The following PLB1 variants were observed in gnomAD, a reference collection of about 807,000 sequenced individuals.
PLB1 encodes the protein phospholipase B1.
PLB1 carries 242 observed loss-of-function variants against 227.4 expected under a neutral mutation model. That is an observed-to-expected ratio of 1.06 (90% CI 0.96 to 1.18). The LOEUF (loss-of-function observed/expected upper bound fraction) is 1.18. PLB1 is among the 50% of genes most tolerant of loss of function. The probability of loss-of-function intolerance (pLI) is 0.00; values close to 1 mark genes in which losing one functional copy is unlikely to be tolerated. For synonymous variants in PLB1, 757 were observed against 682.2 expected (o/e 1.11, Z -1.71); for missense variants, 1,858 against 1,816.3 (o/e 1.02, Z -0.42).
chr2:28,625,736 A>G (rs1325454637), intron 50 of PLB1, among the ~76,000 whole-genome samples: 1 of 152,002 alleles, frequency 6.6e-6, no homozygotes, highest in East Asian at 1.9e-4. Flanking sequence ...CTTTGCCTAC[A>G]GCTCCCTGGA....
At chr2:28,553,364 C>A (rs1426536497) in intron 17 of PLB1, among the ~76,000 whole-genome samples, 1 of 152,190 alleles carries the variant, frequency 6.6e-6, no homozygotes, top group Non-Finnish European at 1.5e-5. Context: ...GTCTGAGTTG[C>A]CTGCAGATTC....
Position 28,618,342 on chromosome 2 carries a change from C to G in PLB1, c.3258C>G (p.Val1086=), listed in dbSNP as rs767030164. 6.2e-7 allele frequency: 1 copy of G among 1,614,080 alleles called. No individual in the cohort carries two copies. Residue 1086 remains valine, a splice_region_variant and synonymous_variant, in exon 46 of 58, where the codon GTC becomes GTG. Transcript: ENST00000327757. ...CACCTCTCTGCTTGTCTCCCCTAGT[C>G]CACCAGCTCCGACCAGCAGACATCA... ...WKASNSVPTS[V]HQLRPADIKV...
intron 17 of PLB1, among the ~76,000 whole-genome samples, chr2:28,553,531 C>T (rs4665426): frequency 0.19 from 29,616 of 152,028 alleles, 3,014 homozygotes; most frequent in Middle Eastern, 0.26. Context: ...TTCCCAAAGA[C>T]GGTCTGCCTG....
At chr2:28,518,581 G>C (rs1276727920) in intron 3 of PLB1, 49 bp downstream of exon 3, 1 of 1,437,720 alleles carries the variant, frequency 7.0e-7, no homozygotes, top group Admixed American at 1.7e-5. Context: ...TTTTCTCTCT[G>C]AAGTGGCCAG....
chr2:28,625,283 C>G (rs996705613), intron 50 of PLB1, among the ~76,000 whole-genome samples, 175 bp downstream of exon 50: 1 of 152,204 alleles, frequency 6.6e-6, no homozygotes, highest in Non-Finnish European at 1.5e-5. Context: ...CACTCCTAGA[C>G]GCAGGCTGTG....
At chr2:28,566,989 C>T in intron 20 of PLB1, 150 bp downstream of exon 20, 1 of 885,108 alleles carries the variant, frequency 1.1e-6, no homozygotes, top group South Asian at 1.5e-5. Flanking sequence ...GAGACTGCCG[C>T]CCAGCTCCGC....
At chr2:28,600,939 T>G in intron 36 of PLB1, 79 bp downstream of exon 36, 1 of 1,265,582 alleles carries the variant, frequency 7.9e-7, no homozygotes, top group Non-Finnish European at 1.1e-6. Context: ...TGGCCTGCTC[T>G]GAAAAGCAGT....
chr2:28,640,826 C>A, intron 56 of PLB1, 101 bp from the exon 57 acceptor site: 1 of 1,253,762 alleles, frequency 8.0e-7, no homozygotes. Flanking sequence ...CTATCCCCCA[C>A]CCCGTTCCCG....
chr2:28,519,385 A>T (rs1669218863), intron 3 of PLB1, among the ~76,000 whole-genome samples: 1 of 152,186 alleles, frequency 6.6e-6, no homozygotes, highest in Admixed American at 6.5e-5. Flanking sequence ...TGTGGGACAG[A>T]AGGAAGTGAG....
At chr2:28,623,632 C>G (rs150110584) in intron 49 of PLB1, among the ~76,000 whole-genome samples, 23 of 151,062 alleles carry the variant, frequency 1.5e-4, no homozygotes, top group African/African-American at 5.7e-4. Flanking sequence ...CCTAGCTTAC[C>G]GTGGCCACCC....
At chr2:28,598,379 G>A (rs548995156) in intron 34 of PLB1, among the ~76,000 whole-genome samples, 6 of 152,254 alleles carry the variant, frequency 3.9e-5, no homozygotes, top group Admixed American at 3.3e-4. Flanking sequence ...GACAAATTAG[G>A]TAGTGACCCT....
At position 28,497,971 on chromosome 2, in the gene PLB1, G is replaced by T. The variant is rs144712806; in HGVS notation, c.55+1802G>T. Among the ~76,000 whole-genome samples the T allele has an allele frequency of 1.1e-3, 163 of 151,616 alleles. 1 individual carries two copies. Among genetic ancestry groups the T allele is most frequent in the African/African-American group, 3.8e-3 (158 of 41,466 alleles). ...TAATCTTAAGTGATCTGCCTGCCTC[G>T]GCCTCCCAGAGAGCTGGGATTACAG... On this transcript the variant is annotated intron_variant, in intron 1 of 57. Transcript: ENST00000327757.
chr2:28,625,251 A>G, intron 50 of PLB1, 143 bp downstream of exon 50: 1 of 760,014 alleles, frequency 1.3e-6, no homozygotes, highest in South Asian at 1.9e-5. Context: ...AGTCCTTACC[A>G]AGGAGGCGCC....
In PLB1 at chr2:28,579,663, C is replaced by T. The variant is rs775810425; in HGVS notation, c.1522C>T (p.Leu508=). The T allele has an allele frequency of 6.2e-7, 1 of 1,613,436 alleles. No homozygotes were observed. The highest frequency in any genetic ancestry group is 1.1e-5 in the South Asian group (1 of 91,070). The change falls in exon 23 of 58, where the codon CTG becomes TTG. Residue 508 remains leucine, a synonymous_variant. Transcript: ENST00000327757. The stretch of plus-strand genomic sequence containing the variant: ...TCAGGAAGACTGGAAGATAATAACC[C>T]TGTTTATAGGCGGCAATGACCTCTG... The part of the protein sequence containing the change: ...HFQEDWKIIT[L]FIGGNDLCDF...
intron 41 of PLB1, among the ~76,000 whole-genome samples, chr2:28,605,133 G>A (rs1408111477): frequency 6.6e-6 from 1 of 152,228 alleles, no homozygotes; most frequent in Non-Finnish European, 1.5e-5. Context: ...AACACAGCCA[G>A]CTCCAGATGA....
intron 17 of PLB1, among the ~76,000 whole-genome samples, chr2:28,555,532 C>CT (rs751088411): frequency 6.6e-5 from 10 of 152,112 alleles, no homozygotes; most frequent in Non-Finnish European, 1.3e-4. Context: ...TATTATTTTC[C>CT]TTTGATATTA....
intron 20 of PLB1, 119 bp from the exon 21 acceptor site, chr2:28,573,078 G>A (rs1304242951): frequency 4.1e-6 from 3 of 730,322 alleles, no homozygotes; most frequent in African/African-American, 1.7e-5. Flanking sequence ...GAAGGTTGGG[G>A]TAAGAGTAGG....
At chr2:28,522,634 A>G (rs1488347094) in intron 4 of PLB1, among the ~76,000 whole-genome samples, 1 of 152,134 alleles carries the variant, frequency 6.6e-6, no homozygotes, top group African/African-American at 2.4e-5. Flanking sequence ...TAAGCCCGTC[A>G]GTGACTTGCA....
chr2:28,557,556 T>C (rs746923725), intron 17 of PLB1, among the ~76,000 whole-genome samples: 3 of 152,210 alleles, frequency 2.0e-5, no homozygotes, highest in Non-Finnish European at 4.4e-5. Context: ...TAACCTTCCA[T>C]GTACAGTGGG....
Sources: gnomAD v4.1 joint callset for allele counts (sites outside exome capture counted in the v4.1 genomes callset) on GRCh38, gnomAD v4.1.1 for gene constraint, MANE v1.5 for transcripts, NCBI Gene and HGNC (gene_info 2026-07-23, HGNC 2026-07-21) for gene names.